The following RXFP1 variants were observed in gnomAD, a reference collection of about 807,000 sequenced individuals.
RXFP1 encodes the protein relaxin receptor 1.
A neutral mutation model predicts 89.8 loss-of-function variants in RXFP1; 73 were observed. The ratio of observed to expected loss-of-function variants is 0.81; its 90% CI spans 0.67 to 0.99. The LOEUF (loss-of-function observed/expected upper bound fraction) is 0.99. RXFP1 is among the 50% of genes least tolerant of loss of function. The pLI is 0.00. For synonymous variants in RXFP1, 277 were observed against 305.5 expected, an observed-to-expected ratio of 0.91 and a Z score of 0.97; for missense variants, 793 against 895.5, an observed-to-expected ratio of 0.89 and a Z score of 1.46.
At chr4:158,583,095 G>C (rs75692566) in intron 2 of RXFP1, among the ~76,000 whole-genome samples, 1 of 152,176 alleles carries the variant, frequency 6.6e-6, no homozygotes, top group African/African-American at 2.4e-5. Context: ...GGAAAACTTT[G>C]TTAATGCCCC....
At chr4:158,606,934 T>G (rs1762640821) in intron 5 of RXFP1, 2 of 758,704 alleles carry the variant, frequency 2.6e-6, no homozygotes, top group South Asian at 3.1e-5. Context: ...TCTTGCATGT[T>G]GGAGAAATAG....
chr4:158,537,804 A>G (rs752777347), intron 1 of RXFP1, among the ~76,000 whole-genome samples: 3 of 152,220 alleles, frequency 2.0e-5, no homozygotes, highest in Non-Finnish European at 4.4e-5. Flanking sequence ...GCTATCTCAA[A>G]GAGTAGTAAG....
In RXFP1 at chr4:158,593,141, T is replaced by C. The variant is rs181921320; in HGVS notation, c.188-260T>C. On this transcript the variant is annotated intron_variant, in intron 2 of 17. Transcript: ENST00000307765. ...AAACTGGAGAATGGTTTTTTCATAA[T>C]TCACTCCCCCAAAATGTTTTTAATC... Among the ~76,000 whole-genome samples the C allele has an allele frequency of 5.0e-3, 751 of 151,666 alleles. 2 individuals carry two copies. Among genetic ancestry groups the C allele is most frequent in the Non-Finnish European group, 7.5e-3 (506 of 67,916 alleles).
At chr4:158,568,958 T>G (rs1754446609) in intron 1 of RXFP1, among the ~76,000 whole-genome samples, 1 of 152,226 alleles carries the variant, frequency 6.6e-6, no homozygotes, top group Admixed American at 6.5e-5. Context: ...TTATAAGTAT[T>G]CTAGAAAGTT....
intron 14 of RXFP1, among the ~76,000 whole-genome samples, chr4:158,641,455 G>A (rs916169440): frequency 2.6e-5 from 4 of 152,162 alleles, no homozygotes; most frequent in East Asian, 1.9e-4. Context: ...TGAGTGCTGG[G>A]CAGCCAAAGC....
At position 158,639,424 on chromosome 4, in the gene RXFP1, T is replaced by C. The variant is rs921442259; in HGVS notation, c.1115+93T>C. The C allele has an allele frequency of 5.4e-6, 4 of 746,634 alleles. No individual in the cohort carries two copies. The African/African-American group carries it at 7.0e-5, about 13-fold the overall frequency. 46.3% of individuals were successfully genotyped at this position (746,634 alleles called of 1,614,324 possible). On this transcript the variant is annotated intron_variant, in intron 14 of 17. Transcript: ENST00000307765. ...CATCCAATCTATTAATATTTTCTAC[T>C]AATTTGCCAGCTATAAACTGAAAGT...
intron 1 of RXFP1, among the ~76,000 whole-genome samples, chr4:158,571,522 C>T (rs1019030056): frequency 2.6e-5 from 4 of 151,988 alleles, no homozygotes; most frequent in African/African-American, 7.3e-5. Flanking sequence ...TAAAATTAGG[C>T]GTGGTGGTGC....
intron 10 of RXFP1, among the ~76,000 whole-genome samples, chr4:158,627,504 GGTGTGTGTGTGTGTGT>G (rs35872724): frequency 2.4e-4 from 35 of 143,450 alleles, no homozygotes; most frequent in East Asian, 6.3e-4. Context: ...TGAGCCTTAG[GGTGTGTGTGTGTGTGT>G]GTGTGTGTGT....
At chr4:158,572,904 C>A in intron 2 of RXFP1, 69 bp downstream of exon 2, 1 of 1,563,352 alleles carries the variant, frequency 6.4e-7, no homozygotes, top group Non-Finnish European at 8.7e-7. Context: ...GTCGCTGAGA[C>A]TTCTCTCAAC....
chr4:158,605,738 T>G (rs1055378819), intron 5 of RXFP1, among the ~76,000 whole-genome samples: 10 of 152,208 alleles, frequency 6.6e-5, no homozygotes, highest in Non-Finnish European at 1.0e-4. Context: ...TTACCTGTTA[T>G]TTAGGTCTAC....
In RXFP1 at chr4:158,567,421, C is replaced by A. The variant is rs184285230; in HGVS notation, c.50-5277C>A. On this transcript the variant is annotated intron_variant, in intron 1 of 17. Coordinates refer to ENST00000307765, the MANE Select transcript of RXFP1 (RefSeq NM_021634.4). ...TCTAGCTAAGGGATTGTAAATACAC[C>A]AATCAGCACTCTGTATCTAGCTCAA... is the stretch of plus-strand genomic sequence containing the variant. Among the ~76,000 whole-genome samples, 1,432 of 152,304 alleles carry A rather than the reference C, an allele frequency of 9.4e-3. 3 individuals are homozygous for A. The highest frequency in any genetic ancestry group is 0.014 in the Non-Finnish European group (983 of 68,020).
At chr4:158,596,325 G>A (rs531176978) in intron 3 of RXFP1, among the ~76,000 whole-genome samples, 5 of 148,644 alleles carry the variant, frequency 3.4e-5, no homozygotes, top group Non-Finnish European at 5.9e-5. Context: ...GTGCAATGGC[G>A]CAATCTTGGC....
chr4:158,525,965 C>G (rs953109856), intron 1 of RXFP1, among the ~76,000 whole-genome samples: 13 of 152,232 alleles, frequency 8.5e-5, no homozygotes, highest in African/African-American at 2.9e-4. Context: ...GACCCCTGAC[C>G]TAGCTCACTG....
intron 1 of RXFP1, among the ~76,000 whole-genome samples, chr4:158,554,180 A>G (rs1421757773): frequency 6.6e-6 from 1 of 152,190 alleles, no homozygotes; most frequent in African/African-American, 2.4e-5. Flanking sequence ...TTGTTACAAA[A>G]TATCTAGAGA....
chr4:158,564,812 C>T (rs1753211753), intron 1 of RXFP1, among the ~76,000 whole-genome samples: 1 of 152,162 alleles, frequency 6.6e-6, no homozygotes, highest in Non-Finnish European at 1.5e-5. Flanking sequence ...TGTGTTATTG[C>T]ACTGTGAATT....
intron 9 of RXFP1, among the ~76,000 whole-genome samples, chr4:158,623,502 C>CAAAAAAAAAAAAAAAA (rs56692438): frequency 6.3e-4 from 27 of 42,634 alleles, no homozygotes; most frequent in African/African-American, 7.6e-4. Flanking sequence ...AACTCCATCT[C>CAAAAAAAAAAAAAAAA]AAAAAAAAAA....
At chr4:158,541,350 G>GCACACACACACACA (rs58856633) in intron 1 of RXFP1, among the ~76,000 whole-genome samples, 17,430 of 139,726 alleles carry the variant, frequency 0.12, 1,414 homozygotes, top group Non-Finnish European at 0.17. Flanking sequence ...AGAGCTTCAT[G>GCACACACACACACA]CACACACACA....
In RXFP1 at chr4:158,652,813, A is replaced by C. The variant is rs1051134696; in HGVS notation, c.*758A>C. 1 of 152,244 alleles carries C rather than the reference A, an allele frequency of 6.6e-6. No individual in the cohort carries two copies. The highest frequency in any genetic ancestry group is 1.5e-5 in the Non-Finnish European group (1 of 68,040). The allele number at this position is 152,244 out of a possible 1,614,324, so 9.4% of individuals were successfully genotyped here. A position where few individuals can be genotyped will look rare whatever the true frequency, so the allele number is the denominator to read the frequency against. The stretch of plus-strand genomic sequence containing the variant: ...CAGAAAAACTAGAATGAGGATAAAC[A>C]TTTACATTAGTGGAAACTCCTGAAA... On this transcript the variant is annotated 3_prime_UTR_variant, in exon 18 of 18. Transcript: ENST00000307765.
intron 1 of RXFP1, among the ~76,000 whole-genome samples, chr4:158,542,233 T>C (rs1746995605): frequency 6.6e-6 from 1 of 151,184 alleles, no homozygotes; most frequent in Non-Finnish European, 1.5e-5. Context: ...TCACTGCGCC[T>C]GGCCCAGAAT....
Sources: gnomAD v4.1 joint callset for allele counts (sites outside exome capture counted in the v4.1 genomes callset) on GRCh38, gnomAD v4.1.1 for gene constraint, MANE v1.5 for transcripts, NCBI Gene and HGNC (gene_info 2026-07-23, HGNC 2026-07-21) for gene names.